The following PRKG1 variants were observed in gnomAD, a reference collection of about 807,000 sequenced individuals.
PRKG1 encodes cGMP-dependent protein kinase 1.
Under a neutral mutation model 88.1 loss-of-function variants are expected in PRKG1, and 35 were observed. That is an observed-to-expected ratio of 0.40 (90% CI 0.30 to 0.53). The LOEUF (loss-of-function observed/expected upper bound fraction) is 0.53, where lower values mean the gene tolerates loss of function less well. Ranked by LOEUF, PRKG1 falls within the 20% of genes least tolerant of loss-of-function variation. The pLI is 0.59. For synonymous variants in PRKG1, 303 were observed against 292.5 expected (o/e 1.04, Z -0.37); for missense variants, 540 against 839.8 (o/e 0.64, Z 4.41).
chr10:52,235,546 A>C (rs1840659266), intron 9 of PRKG1, among the ~76,000 whole-genome samples: 1 of 148,708 alleles, frequency 6.7e-6, no homozygotes. Flanking sequence ...CTTTAAACCA[A>C]CAAAGATCAA....
At chr10:51,519,475 A>G (rs908266324) in intron 3 of PRKG1, among the ~76,000 whole-genome samples, 21 of 152,178 alleles carry the variant, frequency 1.4e-4, no homozygotes, top group African/African-American at 4.8e-4. Flanking sequence ...ACATTTTGAG[A>G]AACACTTGGA....
intron 2 of PRKG1, among the ~76,000 whole-genome samples, chr10:51,454,384 T>TA (rs925517820): frequency 5.0e-4 from 74 of 149,162 alleles, no homozygotes; most frequent in East Asian, 7.8e-4. Flanking sequence ...ATGGTACTGG[T>TA]AAAAAAAAAT....
intron 4 of PRKG1, among the ~76,000 whole-genome samples, chr10:51,859,639 A>G (rs1196133677): frequency 1.3e-5 from 2 of 152,192 alleles, no homozygotes; most frequent in African/African-American, 4.8e-5. Context: ...CATGGCAATT[A>G]CAGCATGCTA....
At position 52,195,169 on chromosome 10, in the gene PRKG1, G is replaced by A. The variant is rs1483076420; in HGVS notation, c.1076+33206G>A. Among the ~76,000 whole-genome samples the A allele has an allele frequency of 2.0e-5, 3 of 152,000 alleles. No homozygotes were observed. The East Asian group carries it at 5.8e-4, about 29-fold the overall frequency. On this transcript the variant is annotated intron_variant, in intron 9 of 17. Transcript: ENST00000373980. ...ATGGAAAGAGAGATGTATGCAAAAT[G>A]GAATGTCCAGAAAACTCAAAGTGAG...
chr10:52,000,597 C>A lies in PRKG1; in HGVS notation c.763-53887C>A, dbSNP rs118191561. Among the ~76,000 whole-genome samples, 863 of 152,064 alleles carry A rather than the reference C, an allele frequency of 5.7e-3. 1 individual carries two copies. The highest frequency in any genetic ancestry group is 1.0e-2 in the Non-Finnish European group (676 of 67,886). On this transcript the variant is annotated intron_variant, in intron 5 of 17. Coordinates refer to ENST00000373980, the MANE Select transcript of PRKG1 (RefSeq NM_006258.4). Reference sequence around the variant, plus strand: ...ACAGAATTGGTTGTGAATGAAAGCACCCTTTCAGAGATCTTAGAAGGACTG... The same window carrying A: ...ACAGAATTGGTTGTGAATGAAAGCAACCTTTCAGAGATCTTAGAAGGACTG...
At chr10:51,553,733 G>A (rs888318166) in intron 3 of PRKG1, among the ~76,000 whole-genome samples, 1 of 137,258 alleles carries the variant, frequency 7.3e-6, no homozygotes, top group African/African-American at 2.5e-5. Context: ...TATTAGATAC[G>A]TGTATATAAT....
chr10:51,158,414 T>C (rs1042338346), intron 2 of PRKG1, among the ~76,000 whole-genome samples: 4 of 151,968 alleles, frequency 2.6e-5, no homozygotes, highest in Admixed American at 2.6e-4. Context: ...GTTACAAGTT[T>C]ATTATGTATA....
intron 3 of PRKG1, among the ~76,000 whole-genome samples, chr10:51,768,364 T>A (rs1444090621): frequency 6.6e-6 from 1 of 152,168 alleles, no homozygotes; most frequent in South Asian, 2.1e-4. Flanking sequence ...GCAAAATACT[T>A]TTTAGCTCTA....
intron 3 of PRKG1, among the ~76,000 whole-genome samples, chr10:51,629,033 T>C (rs972615813): frequency 6.6e-6 from 1 of 151,444 alleles, no homozygotes; most frequent in African/African-American, 2.4e-5. Flanking sequence ...ACAGAATCAA[T>C]TTAGTGGTTA....
chr10:51,635,018 A>G (rs551907211), intron 3 of PRKG1, among the ~76,000 whole-genome samples: 7 of 152,128 alleles, frequency 4.6e-5, no homozygotes, highest in Non-Finnish European at 8.8e-5. Context: ...TGACAAAATA[A>G]TATGCACACC....
chr10:51,849,370 G>A (rs16924111), intron 4 of PRKG1, among the ~76,000 whole-genome samples: 3,637 of 152,208 alleles, frequency 0.024, 127 homozygotes, highest in African/African-American at 0.074. Context: ...GTGATTAAAC[G>A]AATATCAAGG....
chr10:51,959,635 A>C (rs932485568), intron 5 of PRKG1, among the ~76,000 whole-genome samples: 3 of 152,110 alleles, frequency 2.0e-5, no homozygotes, highest in African/African-American at 7.2e-5. Flanking sequence ...TGTTTGAATT[A>C]GGGCAGGAGT....
At chr10:51,678,664 G>A (rs1000985938) in intron 3 of PRKG1, among the ~76,000 whole-genome samples, 4 of 152,186 alleles carry the variant, frequency 2.6e-5, no homozygotes, top group African/African-American at 4.8e-5. Context: ...AAGAAAATGG[G>A]TTTGTAATTT....
intron 4 of PRKG1, among the ~76,000 whole-genome samples, chr10:51,811,278 A>C (rs1323451439): frequency 6.6e-6 from 1 of 152,118 alleles, no homozygotes; most frequent in Non-Finnish European, 1.5e-5. Flanking sequence ...ATATTATATA[A>C]ACTTTTGTCT....
chr10:51,749,108 CAAGAT>C lies in PRKG1; in HGVS notation c.593-55471_593-55467del, dbSNP rs371675921. ...GAAATGAGACAATCTTTGAAATTAA[CAAGAT>C]AAGATTGTGAAACATACATACACTA... On this transcript the variant is annotated intron_variant, in intron 3 of 17. Transcript: ENST00000373980. Among the ~76,000 whole-genome samples, 690 of 152,258 alleles carry C rather than the reference CAAGAT, an allele frequency of 4.5e-3. 2 individuals carry two copies. The highest frequency in any genetic ancestry group is 0.016 in the African/African-American group (668 of 41,554).
At chr10:50,993,778 G>A (rs1363715749) in intron 1 of PRKG1, among the ~76,000 whole-genome samples, 1 of 152,236 alleles carries the variant, frequency 6.6e-6, no homozygotes, top group Non-Finnish European at 1.5e-5. Flanking sequence ...TTCAGGATTT[G>A]CTCTCAAAGA....
At chr10:52,034,558 T>C (rs565114107) in intron 5 of PRKG1, among the ~76,000 whole-genome samples, 13 of 151,850 alleles carry the variant, frequency 8.6e-5, no homozygotes, top group Non-Finnish European at 1.0e-4. Flanking sequence ...GATATCTGAT[T>C]AGAGAGTGCC....
intron 9 of PRKG1, among the ~76,000 whole-genome samples, chr10:52,169,268 T>G (rs1051197726): frequency 6.6e-6 from 1 of 152,184 alleles, no homozygotes; most frequent in African/African-American, 2.4e-5. Context: ...ACTTAGTGGC[T>G]TATAAACAGT....
intron 9 of PRKG1, among the ~76,000 whole-genome samples, chr10:52,248,988 C>T (rs1469084110): frequency 4.0e-5 from 3 of 74,322 alleles, no homozygotes; most frequent in Admixed American, 1.4e-4. Context: ...CCCTTCCCCA[C>T]GCTTCCCCCT....
Sources: allele counts gnomAD v4.1 joint callset (sites outside exome capture counted in the v4.1 genomes callset), GRCh38; gene constraint gnomAD v4.1.1; transcripts MANE v1.5; gene names NCBI Gene and HGNC (gene_info 2026-07-23, HGNC 2026-07-21).